The following DMWD variants were observed in gnomAD, a reference collection of about 807,000 sequenced individuals.
The protein encoded by DMWD is dystrophia myotonica WD repeat-containing protein.
Under a neutral mutation model 45.8 loss-of-function variants are expected in DMWD, and 19 were observed. The observed-to-expected ratio is 0.41, with a 90% CI of 0.29 to 0.61. The LOEUF (loss-of-function observed/expected upper bound fraction) is 0.61, where lower values mean the gene tolerates loss of function less well. Ranked by LOEUF, DMWD falls within the 20% of genes least tolerant of loss-of-function variation. DMWD has a pLI of 0.25. For synonymous variants in DMWD, 515 were observed against 440.5 expected (o/e 1.17, Z -2.12); for missense variants, 802 against 965.2 (o/e 0.83, Z 2.24).
intron 2 of DMWD, among the ~76,000 whole-genome samples, chr19:45,788,645 T>G (rs1260217006): frequency 6.6e-6 from 1 of 152,216 alleles, no homozygotes; most frequent in East Asian, 1.9e-4. Flanking sequence ...AATGTCCTTC[T>G]TGGCTGGGTG....
Position 45,783,708 on chromosome 19 carries a change from C to T in DMWD, c.*535G>A, listed in dbSNP as rs1970217674. On this transcript the variant is annotated 3_prime_UTR_variant, in exon 5 of 5. Coordinates refer to ENST00000270223, the MANE Select transcript of DMWD (RefSeq NM_004943.2). ...CACACACAGGTCCTCTACATCATCT[C>T]CTCCGAAGGGGACAGACCCGCTGAG... The T allele has an allele frequency of 2.3e-6, 1 of 429,594 alleles. No individual in the cohort carries two copies. The highest frequency in any genetic ancestry group is 4.4e-5 in the Admixed American group (1 of 22,870). The allele number at this position is 429,594 out of a possible 1,614,324, so 26.6% of individuals were successfully genotyped here. A position where few individuals can be genotyped will look rare whatever the true frequency, so the allele number is the denominator to read the frequency against.
At position 45,786,151 on chromosome 19, in the gene DMWD, C is replaced by A. The variant is rs556211008; in HGVS notation, c.1345G>T (p.Val449Leu). Residue 449 changes from valine (V) to leucine (L), a missense_variant, in exon 3 of 5, where the codon GTG becomes TTG. Physicochemically the swap from Val to Leu is conservative, Grantham distance 32 (BLOSUM62 1). This residue lies in a region of DMWD where 303 missense variants were observed against 332.9 expected (regional missense o/e 0.91). Transcript: ENST00000270223. ...QFCLWDLTED[V>L]LYPHPPLART... is the part of the protein sequence containing the mutation. ...GCCAGGGGGGGGTGCGGGTAGAGCA[C>A]GTCTTCAGTGAGGTCCCACAGGCAG... 1.3e-5 allele frequency: 21 copies of A among 1,565,696 alleles called. 1 individual carries two copies. The South Asian group carries it at 2.2e-4, about 17-fold the overall frequency.
chr19:45,787,806 G>A (rs888384262), intron 2 of DMWD, among the ~76,000 whole-genome samples: 10 of 152,158 alleles, frequency 6.6e-5, no homozygotes, highest in South Asian at 2.1e-4. Flanking sequence ...GGTGGCTCAC[G>A]CCTGTAATCC....
chr19:45,790,381 T>C (rs1158665676), intron 2 of DMWD, among the ~76,000 whole-genome samples: 2 of 142,284 alleles, frequency 1.4e-5, no homozygotes, highest in Non-Finnish European at 3.0e-5. Context: ...GAACCGGGCA[T>C]GGTGGCTCAC....
Position 45,792,814 on chromosome 19 carries a change from C to A in DMWD, c.-58G>T. ...ACTGCCGCCCGCAGCCGGGCCCCCT[C>A]CCGGAAGCCGCTGGCCCGCGCCGGA... is the stretch of plus-strand genomic sequence containing the variant. On this transcript the variant is annotated 5_prime_UTR_variant, in exon 1 of 5. Transcript: ENST00000270223. 9.3e-7 allele frequency: 1 copy of A among 1,078,426 alleles called. No individual in the cohort carries two copies. Among genetic ancestry groups the A allele is most frequent in the Non-Finnish European group, 1.1e-6 (1 of 890,818 alleles). 66.8% of individuals were successfully genotyped at this position (1,078,426 alleles called of 1,614,324 possible). A position where few individuals can be genotyped will look rare whatever the true frequency, so the allele number is the denominator to read the frequency against.
rs143916242 is a variant in DMWD at position 45,786,632 on chromosome 19, G to A, written c.864C>T (p.Asn288=). 1.1e-4 allele frequency: 184 copies of A among 1,613,044 alleles called. No homozygotes were observed. The highest frequency in any genetic ancestry group is 1.4e-4 in the Non-Finnish European group (167 of 1,179,444). ...GGCCATCGGGCGAGAAGGCGAACTC[G>A]TTGAGGGGCCCCTCACCCACCGCCC... ...AKWAVGEGPL[N]EFAFSPDGRH... is the part of the protein sequence containing the mutation. The change falls in exon 3 of 5, where the codon AAC becomes AAT. Residue 288 remains asparagine (N), a synonymous_variant. Coordinates refer to ENST00000270223, the MANE Select transcript of DMWD (RefSeq NM_004943.2).
Position 45,792,667 on chromosome 19 carries a change from C to G in DMWD, c.90G>C (p.Glu30Asp). The change falls in exon 1 of 5, where the codon GAG becomes GAC. Residue 30 changes from glutamate to aspartate, a missense_variant. Coordinates refer to ENST00000270223, the MANE Select transcript of DMWD (RefSeq NM_004943.2). ...AEIKSQFRTR[E>D]GFYKLLPGDG... Reference sequence around the variant, plus strand: ...CGCCCGGGAGTAGCTTGTAGAAACCCTCGCGCGTGCGGAATTGCGACTTAA... The same window carrying G: ...CGCCCGGGAGTAGCTTGTAGAAACCGTCGCGCGTGCGGAATTGCGACTTAA... The G allele has an allele frequency of 7.6e-7, 1 of 1,317,822 alleles. No homozygotes were observed. 81.6% of individuals were successfully genotyped at this position (1,317,822 alleles called of 1,614,324 possible). A position where few individuals can be genotyped will look rare whatever the true frequency, so the allele number is the denominator to read the frequency against.
Position 45,783,915 on chromosome 19 carries a change from G to C in DMWD, c.*328C>G. 1 of 536,132 alleles carries C rather than the reference G, an allele frequency of 1.9e-6. No homozygotes were observed. The highest frequency in any genetic ancestry group is 2.6e-5 in the South Asian group (1 of 38,320). 33.2% of individuals were successfully genotyped at this position (536,132 alleles called of 1,614,324 possible). A position where few individuals can be genotyped will look rare whatever the true frequency, so the allele number is the denominator to read the frequency against. ...CAACTGAGGGGCACACTGCAGACCT[G>C]GGGCTCTTGTGGCAGGGGCGGGGAG... On this transcript the variant is annotated 3_prime_UTR_variant, in exon 5 of 5. Transcript: ENST00000270223.
In DMWD at chr19:45,785,025, A is replaced by G. The variant is rs1970252116; in HGVS notation, c.1903-310T>C. ...AGCACATCCACCCACTGCCCATCCT[A>G]CAGGCTCTGTTCTAAGAGGTGATGA... On this transcript the variant is annotated intron_variant, in intron 3 of 4. Transcript: ENST00000270223. Among the ~76,000 whole-genome samples, 11 of 152,254 alleles carry G rather than the reference A, an allele frequency of 7.2e-5. No individual in the cohort carries two copies. The South Asian group carries it at 2.3e-3, about 32-fold the overall frequency.
intron 2 of DMWD, 48 bp from the exon 3 acceptor site, chr19:45,786,919 G>A: frequency 1.3e-6 from 2 of 1,574,366 alleles, no homozygotes; most frequent in South Asian, 1.1e-5. Flanking sequence ...TAAAACCCAG[G>A]CAGAACTTCT....
chr19:45,783,379 TAGGAGGCAAGGACCG>T lies in DMWD; in HGVS notation c.*849_*863del, dbSNP rs1970210187. 1 of 391,352 alleles carries T rather than the reference TAGGAGGCAAGGACCG, an allele frequency of 2.6e-6. No homozygotes were observed. The highest frequency in any genetic ancestry group is 1.4e-4 in the South Asian group (1 of 6,950). 24.2% of individuals were successfully genotyped at this position (391,352 alleles called of 1,614,324 possible). A position where few individuals can be genotyped will look rare whatever the true frequency, so the allele number is the denominator to read the frequency against. The stretch of plus-strand genomic sequence containing the variant: ...CTTGAGAGGGCCAGGCCTGAGAAAC[TAGGAGGCAAGGACCG>T]AGGAGTCCCAGCTGGGCAGGGCCTG... On this transcript the variant is annotated 3_prime_UTR_variant, in exon 5 of 5. Transcript: ENST00000270223.
chr19:45,787,843 G>T (rs1199134388), intron 2 of DMWD, among the ~76,000 whole-genome samples: 1 of 152,120 alleles, frequency 6.6e-6, no homozygotes, highest in East Asian at 1.9e-4. Context: ...TGAGGCAGGC[G>T]GATCACAAAG....
In DMWD at chr19:45,786,113, G is replaced by T; in HGVS notation, c.1383C>A (p.Thr461=). 6.5e-7 allele frequency: 1 copy of T among 1,528,970 alleles called. No homozygotes were observed. The highest frequency in any genetic ancestry group is 8.8e-7 in the Non-Finnish European group (1 of 1,135,546). 94.7% of individuals were successfully genotyped at this position (1,528,970 alleles called of 1,614,324 possible). A position where few individuals can be genotyped will look rare whatever the true frequency, so the allele number is the denominator to read the frequency against. Residue 461 remains threonine, a synonymous_variant, in exon 3 of 5, where the codon ACC becomes ACA. Transcript: ENST00000270223. ...GCGTGGTGCCAGGTGTGCCAGGGAGGGTGCGGGTGCGGGCCAGGGGGGGGT... is the reference window on the plus strand; with the variant it reads ...GCGTGGTGCCAGGTGTGCCAGGGAGTGTGCGGGTGCGGGCCAGGGGGGGGT... ...YPHPPLARTR[T]LPGTPGTTPP...
chr19:45,784,520 C>T (rs1048561557), intron 4 of DMWD, 121 bp downstream of exon 4: 29 of 1,360,382 alleles, frequency 2.1e-5, no homozygotes, highest in Admixed American at 2.1e-4. Context: ...AAGTCCTTGG[C>T]GGATCCTGAG....
At chr19:45,789,248 A>G (rs1970322773) in intron 2 of DMWD, 1 of 152,252 alleles carries the variant, frequency 6.6e-6, no homozygotes, top group African/African-American at 2.4e-5. Context: ...CGGATGCTCA[A>G]AAACTATTTG....
Position 45,786,497 on chromosome 19 carries a change from G to A in DMWD, c.999C>T (p.Cys333=). 7 of 1,613,732 alleles carry A rather than the reference G, an allele frequency of 4.3e-6. No homozygotes were observed. The highest frequency in any genetic ancestry group is 5.9e-6 in the Non-Finnish European group (7 of 1,179,700). Residue 333 remains cysteine (C), a synonymous_variant, in exon 3 of 5, where the codon TGC becomes TGT. Transcript: ENST00000270223. ...KSYFGGLLCV[C]WSPDGRYVVT... ...CCACGTAGCGGCCGTCAGGGCTCCA[G>A]CACACACACAGCAGGCCCCCAAAGT...
intron 2 of DMWD, among the ~76,000 whole-genome samples, chr19:45,787,501 C>G (rs915372164): frequency 6.6e-6 from 1 of 152,144 alleles, no homozygotes; most frequent in African/African-American, 2.4e-5. Flanking sequence ...GGTTGGGGAC[C>G]ACTGTATCTG....
chr19:45,786,508 G>C lies in DMWD; in HGVS notation c.988C>G (p.Leu330Val). 1 of 1,614,004 alleles carries C rather than the reference G, an allele frequency of 6.2e-7. No individual in the cohort carries two copies. Among genetic ancestry groups the C allele is most frequent in the Non-Finnish European group, 8.5e-7 (1 of 1,179,910 alleles). The change falls in exon 3 of 5, where the codon CTG becomes GTG. Residue 330 changes from leucine to valine, a missense_variant. Physicochemically the swap from Leu to Val is conservative, Grantham distance 32 (BLOSUM62 1). Around this residue, in one of 9 missense-constraint regions of DMWD, gnomAD observed 146 missense variants for 212.8 expected, o/e 0.69. Transcript: ENST00000270223. ...GLMKSYFGGL[L>V]CVCWSPDGRY... is the part of the protein sequence containing the mutation. Reference sequence around the variant, plus strand: ...CCGTCAGGGCTCCAGCACACACACAGCAGGCCCCCAAAGTAGCTCTTCATG... The same window carrying C: ...CCGTCAGGGCTCCAGCACACACACACCAGGCCCCCAAAGTAGCTCTTCATG...
chr19:45,783,571 C>A lies in DMWD; in HGVS notation c.*672G>T. 1 of 398,782 alleles carries A rather than the reference C, an allele frequency of 2.5e-6. No individual in the cohort carries two copies. Among genetic ancestry groups the A allele is most frequent in the Non-Finnish European group, 4.4e-6 (1 of 226,204 alleles). The allele number at this position is 398,782 out of a possible 1,614,324, so 24.7% of individuals were successfully genotyped here. ...CAGTTGTGTGACTCGCAGGTCCGTT[C>A]CCTCCCTGGGCTCCGGCTTTTCCTG... is the stretch of plus-strand genomic sequence containing the variant. On this transcript the variant is annotated 3_prime_UTR_variant, in exon 5 of 5. Coordinates refer to ENST00000270223, the MANE Select transcript of DMWD (RefSeq NM_004943.2).
Sources: allele counts gnomAD v4.1 joint callset (sites outside exome capture counted in the v4.1 genomes callset), GRCh38; gene constraint gnomAD v4.1.1; regional missense constraint gnomAD v4.1.1; transcripts MANE v1.5; gene names NCBI Gene and HGNC (gene_info 2026-07-23, HGNC 2026-07-21).